The following MUC22 variants were observed in gnomAD, a reference collection of about 807,000 sequenced individuals.
The protein encoded by MUC22 is mucin 22.
Under a neutral mutation model 40.3 loss-of-function variants are expected in MUC22, and 24 were observed. That is an observed-to-expected ratio of 0.60 (90% CI 0.43 to 0.84). The LOEUF (loss-of-function observed/expected upper bound fraction) is 0.84. Among genes scored for constraint, MUC22 ranks in the 40% least tolerant of loss-of-function variants. The probability of loss-of-function intolerance (pLI) is 0.00; values close to 1 mark genes in which losing one functional copy is unlikely to be tolerated. For synonymous variants in MUC22, 765 were observed against 844.5 expected (o/e 0.91, Z 1.63); for missense variants, 1,926 against 2,130.7 (o/e 0.90, Z 1.89).
exon 4 of MUC22, chr6:31,034,996 TG>T: frequency 6.0e-6 from 9 of 1,488,752 alleles, no homozygotes; most frequent in Non-Finnish European, 8.1e-6. Context: ...CAGGACAAGA[TG>T]GCTGTGGCCA....
At chr6:31,018,184 A>G (rs1002281857) in intron 1 of MUC22, among the ~76,000 whole-genome samples, 1 of 152,038 alleles carries the variant, frequency 6.6e-6, no homozygotes, top group Non-Finnish European at 1.5e-5. Context: ...TTACTGATCT[A>G]GAGTTTCTTT....
chr6:31,028,562 C>A (rs1001103207), exon 2 of MUC22: 1 of 1,534,008 alleles, frequency 6.5e-7, no homozygotes, highest in Admixed American at 2.0e-5. Flanking sequence ...GGCTCTGAGA[C>A]CACCAAGGTC....
chr6:31,027,964 A>T, exon 2 of MUC22: 1 of 1,534,836 alleles, frequency 6.5e-7, no homozygotes, highest in Non-Finnish European at 8.7e-7. Flanking sequence ...AGGCTCTGAG[A>T]CCACCACAGT....
intron 1 of MUC22, among the ~76,000 whole-genome samples, chr6:31,016,206 C>A (rs1764190791): frequency 6.7e-6 from 1 of 150,060 alleles, no homozygotes; most frequent in African/African-American, 2.5e-5. Context: ...TTGCTGTTTG[C>A]ATTGTCTCAG....
chr6:31,029,260 AT>A lies in MUC22; in HGVS notation c.3830del (p.Ile1277ThrfsTer119), dbSNP rs1765801956. ...CTCTACCACAGGCACTGAGACTACC[AT>A]CACCTCTACTGAAGGTTCAGAGACC... On this transcript the variant is annotated frameshift_variant, in exon 2 of 4. Coordinates refer to ENST00000561890, the Ensembl canonical transcript of MUC22. LOFTEE classifies it high-confidence loss of function. 6.5e-7 allele frequency: 1 copy of A among 1,534,602 alleles called. No individual in the cohort carries two copies. Among genetic ancestry groups the A allele is most frequent in the Non-Finnish European group, 8.7e-7 (1 of 1,146,436 alleles).
chr6:31,022,460 AT>A (rs151280770), intron 1 of MUC22, among the ~76,000 whole-genome samples: 18,185 of 151,536 alleles, frequency 0.12, 1,275 homozygotes, highest in African/African-American at 0.17. Context: ...CAAGACTGAC[AT>A]TTTTTTTTAA....
intron 1 of MUC22, among the ~76,000 whole-genome samples, chr6:31,016,083 A>G (rs1215248865): frequency 6.8e-6 from 1 of 147,174 alleles, no homozygotes; most frequent in African/African-American, 2.5e-5. Flanking sequence ...TTTTTTTTTC[A>G]AAGAGATCTT....
Position 31,011,117 on chromosome 6 carries a change from A to T in MUC22, c.70+341A>T, listed in dbSNP as rs187748345. Reference sequence around the variant, plus strand: ...AAAAGTTTTTTTTTTTAACCGGAAAACTCTAGTTCCAATAGCATTCTTAAT... The same window carrying T: ...AAAAGTTTTTTTTTTTAACCGGAAATCTCTAGTTCCAATAGCATTCTTAAT... On this transcript the variant is annotated intron_variant, in intron 1 of 3. Coordinates refer to ENST00000561890, the Ensembl canonical transcript of MUC22. The surrounding 1 kb of genome is among the most constrained non-coding windows in gnomAD (Gnocchi z 4.5). Among the ~76,000 whole-genome samples the T allele has an allele frequency of 7.6e-4, 115 of 151,642 alleles. No homozygotes were observed. Among genetic ancestry groups the T allele is most frequent in the African/African-American group, 2.5e-3 (102 of 41,282 alleles).
chr6:31,025,664 C>T (rs894072548), exon 2 of MUC22: 1 of 1,532,896 alleles, frequency 6.5e-7, no homozygotes, highest in Non-Finnish European at 8.7e-7. Flanking sequence ...ACAACCTCAG[C>T]CTCCACCATG....
intron 1 of MUC22, among the ~76,000 whole-genome samples, chr6:31,018,641 T>C (rs1764443743): frequency 6.6e-6 from 1 of 152,296 alleles, no homozygotes; most frequent in African/African-American, 2.4e-5. Flanking sequence ...ATATACTTAT[T>C]CTTTTATTCA....
intron 1 of MUC22, among the ~76,000 whole-genome samples, chr6:31,016,938 G>T (rs1764254302): frequency 6.6e-6 from 1 of 152,234 alleles, no homozygotes; most frequent in Non-Finnish European, 1.5e-5. Context: ...GAGGAACTTA[G>T]CACCCGGGCC....
chr6:31,015,481 C>G (rs1411435775), intron 1 of MUC22, among the ~76,000 whole-genome samples: 2 of 152,106 alleles, frequency 1.3e-5, no homozygotes, highest in African/African-American at 4.8e-5. Context: ...GAGAGGTTGA[C>G]AAATGTAACT....
chr6:31,006,979 C>T (rs1422017252), upstream of MUC22, among the ~76,000 whole-genome samples: 1 of 151,900 alleles, frequency 6.6e-6, no homozygotes. Flanking sequence ...TGAGACCCCC[C>T]ACATCTCTTA....
rs185107541 is a variant in MUC22, at chr6:31,021,689, C to T, written c.71-3813C>T. The stretch of plus-strand genomic sequence containing the variant: ...CTGTATCTAACTAATCTGATGGGGA[C>T]GTGGAGAACCTTTGTATGTAGCTCA... On this transcript the variant is annotated intron_variant, in intron 1 of 3. Transcript: ENST00000561890. Among the ~76,000 whole-genome samples, 1,171 of 152,112 alleles carry T rather than the reference C, an allele frequency of 7.7e-3. 14 individuals are homozygous for T. The highest frequency in any genetic ancestry group is 0.026 in the African/African-American group (1,088 of 41,466).
intron 1 of MUC22, among the ~76,000 whole-genome samples, chr6:31,021,280 C>G (rs1160601260): frequency 6.6e-6 from 1 of 152,186 alleles, no homozygotes; most frequent in Non-Finnish European, 1.5e-5. Flanking sequence ...TTTGTGAGTA[C>G]ACCAATGGAC....
At chr6:31,013,341 G>A (rs1279964903) in intron 1 of MUC22, among the ~76,000 whole-genome samples, 1 of 151,612 alleles carries the variant, frequency 6.6e-6, no homozygotes, top group African/African-American at 2.4e-5. Flanking sequence ...TGCCCAGGCT[G>A]GACTCGAACT....
chr6:31,025,791 C>T (rs1417901943), exon 2 of MUC22: 3 of 1,531,188 alleles, frequency 2.0e-6, no homozygotes, highest in Non-Finnish European at 2.6e-6. Flanking sequence ...CAACCACAGG[C>T]TCCACTGCAG....
chr6:31,026,427 T>A, exon 2 of MUC22: 1 of 1,506,950 alleles, frequency 6.6e-7, no homozygotes, highest in Non-Finnish European at 8.9e-7. Flanking sequence ...CAGTCTCTAG[T>A]GCAGGCTCTG....
chr6:31,025,471 T>G, intron 1 of MUC22, 31 bp from the exon 2 acceptor site: 2 of 1,461,972 alleles, frequency 1.4e-6, no homozygotes, highest in Non-Finnish European at 1.8e-6. Context: ...CTTTAACCCA[T>G]TCCCACCACC....
Sources: allele counts gnomAD v4.1 joint callset (sites outside exome capture counted in the v4.1 genomes callset), GRCh38; gene constraint gnomAD v4.1.1; non-coding constraint Gnocchi (gnomAD v3.1); transcripts MANE v1.5; gene names NCBI Gene and HGNC (gene_info 2026-07-23, HGNC 2026-07-21).